TMEM170B: variants seen among roughly 807,000 people sequenced by gnomAD.
TMEM170B encodes transmembrane protein 170B.
Under a neutral mutation model 13.0 loss-of-function variants are expected in TMEM170B, and 6 were observed. The observed-to-expected ratio is 0.46, with a 90% CI of 0.25 to 0.91. The LOEUF (loss-of-function observed/expected upper bound fraction) is 0.91, where lower values mean the gene tolerates loss of function less well. Among genes scored for constraint, TMEM170B ranks in the 40% least tolerant of loss-of-function variants. The pLI, the probability that TMEM170B is intolerant of heterozygous loss-of-function variation, is 0.17. For synonymous variants in TMEM170B, 61 were observed against 64.9 expected, an observed-to-expected ratio of 0.94 and a Z score of 0.29; for missense variants, 138 against 165.2, an observed-to-expected ratio of 0.84 and a Z score of 0.90.
chr6:11,546,748 T>C (rs1311956602), intron 1 of TMEM170B, among the ~76,000 whole-genome samples: 3 of 152,208 alleles, frequency 2.0e-5, no homozygotes, highest in Non-Finnish European at 4.4e-5. Flanking sequence ...CCATATAGCC[T>C]AAATGGAATA....
chr6:11,568,013 C>T (rs552740680), intron 2 of TMEM170B, among the ~76,000 whole-genome samples: 1 of 152,150 alleles, frequency 6.6e-6, no homozygotes, highest in Non-Finnish European at 1.5e-5. Context: ...GGTCTGTCTT[C>T]ATCACTGCTC....
intron 1 of TMEM170B, among the ~76,000 whole-genome samples, chr6:11,549,596 G>A (rs1004958707): frequency 6.6e-6 from 1 of 151,942 alleles, no homozygotes; most frequent in African/African-American, 2.4e-5. Flanking sequence ...CCTGGAGGCG[G>A]AGCTTGCAGC....
rs2113785282 is a variant in TMEM170B, at chr6:11,575,297, TAGAA to T, written c.269-131_269-128del. On this transcript the variant is annotated intron_variant, in intron 2 of 2. Transcript: ENST00000379426. This position sits in a 1 kb window ranked among gnomAD's most constrained non-coding sequence, Gnocchi z 4.1. ...CACCAATCACAGGGAAACTTTTTCA[TAGAA>T]AGTGGATAAAATGAGAAAAAAATGA... The T allele has an allele frequency of 8.0e-7, 1 of 1,251,194 alleles. No homozygotes were observed. The highest frequency in any genetic ancestry group is 1.5e-5 in the African/African-American group (1 of 66,538). 77.5% of individuals were successfully genotyped at this position (1,251,194 alleles called of 1,614,324 possible).
chr6:11,542,234 G>C (rs1277446940), intron 1 of TMEM170B, among the ~76,000 whole-genome samples: 2 of 152,160 alleles, frequency 1.3e-5, no homozygotes, highest in African/African-American at 2.4e-5. Context: ...AGGGTTTTTA[G>C]AGAAAGTTAG....
At chr6:11,563,532 G>T (rs993601172) in intron 1 of TMEM170B, among the ~76,000 whole-genome samples, 11 of 152,192 alleles carry the variant, frequency 7.2e-5, no homozygotes, top group African/African-American at 2.4e-4. Flanking sequence ...CCAGTAGAAA[G>T]TCTGCGCTTC....
chr6:11,544,568 C>T (rs16868544), intron 1 of TMEM170B, among the ~76,000 whole-genome samples: 8,804 of 152,268 alleles, frequency 0.058, 276 homozygotes, highest in East Asian at 0.16. Flanking sequence ...GATCCATATT[C>T]ATTATCTAGC....
intron 1 of TMEM170B, among the ~76,000 whole-genome samples, chr6:11,548,183 A>G (rs549197442): frequency 4.0e-4 from 61 of 152,328 alleles, no homozygotes; most frequent in Admixed American, 1.0e-3. Flanking sequence ...CAATCTACCC[A>G]TCTGACAAAG....
chr6:11,568,000 C>A, intron 2 of TMEM170B, among the ~76,000 whole-genome samples: 1 of 152,072 alleles, frequency 6.6e-6, no homozygotes, highest in East Asian at 1.9e-4. Context: ...AGAGCAGAGA[C>A]CTGGTCTGTC....
chr6:11,559,907 G>T (rs980936544), intron 1 of TMEM170B, among the ~76,000 whole-genome samples: 1 of 151,956 alleles, frequency 6.6e-6, no homozygotes, highest in Non-Finnish European at 1.5e-5. Flanking sequence ...TAAGTTTTCA[G>T]TATTGACTTG....
chr6:11,553,357 A>G (rs1291517354), intron 1 of TMEM170B, among the ~76,000 whole-genome samples: 1 of 152,248 alleles, frequency 6.6e-6, no homozygotes, highest in Admixed American at 6.5e-5. Context: ...TGAAGTATAT[A>G]GGAGAATCAA....
chr6:11,540,026 C>T (rs547572527), intron 1 of TMEM170B, among the ~76,000 whole-genome samples: 1 of 152,250 alleles, frequency 6.6e-6, no homozygotes, highest in South Asian at 2.1e-4. Context: ...AAAGTACAGA[C>T]GTTAATTTAA....
In TMEM170B at chr6:11,538,071, G is replaced by A. The variant is rs1166284662; in HGVS notation, c.-207G>A. Among the ~76,000 whole-genome samples the A allele has an allele frequency of 3.3e-5, 5 of 151,256 alleles. No homozygotes were observed. The highest frequency in any genetic ancestry group is 7.4e-5 in the Non-Finnish European group (5 of 67,660). On this transcript the variant is annotated 5_prime_UTR_variant, in exon 1 of 3. Transcript: ENST00000379426. ...CCGTCCTCAATGTCTCCCCGGCGGG[G>A]AGGGGGCTGCCTGGGAGACACGCTG...
chr6:11,564,300 G>A (rs1452515976), intron 1 of TMEM170B, among the ~76,000 whole-genome samples: 2 of 152,170 alleles, frequency 1.3e-5, no homozygotes, highest in East Asian at 3.8e-4. Context: ...AACTTCTTGA[G>A]GAGCCTCCAT....
chr6:11,559,479 C>G (rs558546459), intron 1 of TMEM170B, among the ~76,000 whole-genome samples: 7 of 152,210 alleles, frequency 4.6e-5, no homozygotes, highest in Admixed American at 1.3e-4. Context: ...AGCTACTGTG[C>G]CCAGCTTCTT....
chr6:11,538,417 C>G (rs1256865991), intron 1 of TMEM170B, 43 bp downstream of exon 1: 1 of 1,388,892 alleles, frequency 7.2e-7, no homozygotes, highest in East Asian at 2.9e-5. Flanking sequence ...GCGGTCCGCC[C>G]CTCTCCTGTC....
Position 11,581,553 on chromosome 6 carries a change from G to A in TMEM170B, c.*5992G>A, listed in dbSNP as rs1759956700. 1 of 152,192 alleles carries A rather than the reference G, an allele frequency of 6.6e-6. No individual in the cohort carries two copies. Among genetic ancestry groups the A allele is most frequent in the Non-Finnish European group, 1.5e-5 (1 of 68,036 alleles). The allele number at this position is 152,192 out of a possible 1,614,324, so 9.4% of individuals were successfully genotyped here. A position where few individuals can be genotyped will look rare whatever the true frequency, so the allele number is the denominator to read the frequency against. On this transcript the variant is annotated 3_prime_UTR_variant, in exon 3 of 3. Coordinates refer to ENST00000379426, the MANE Select transcript of TMEM170B (RefSeq NM_001100829.3). ...GGTGGATAACTGAAACGGAAAAGCA[G>A]TTTGACACAAATACACAGAAAGAGG...
At chr6:11,542,749 T>G (rs532036533) in intron 1 of TMEM170B, among the ~76,000 whole-genome samples, 1 of 152,326 alleles carries the variant, frequency 6.6e-6, no homozygotes, top group African/African-American at 2.4e-5. Context: ...TCTTAATCAT[T>G]AGTTAACAGA....
At chr6:11,573,598 T>C (rs1759833623) in intron 2 of TMEM170B, among the ~76,000 whole-genome samples, 1 of 152,198 alleles carries the variant, frequency 6.6e-6, no homozygotes, top group South Asian at 2.1e-4. Context: ...AGCCTGGCTC[T>C]ACAACCCATG....
At chr6:11,541,875 G>A (rs759791283) in intron 1 of TMEM170B, among the ~76,000 whole-genome samples, 5 of 152,164 alleles carry the variant, frequency 3.3e-5, no homozygotes, top group African/African-American at 4.8e-5. Context: ...AGGGAAACCC[G>A]AGGAGAGGGA....
Sources: gnomAD v4.1 joint callset for allele counts (sites outside exome capture counted in the v4.1 genomes callset) on GRCh38, gnomAD v4.1.1 for gene constraint, Gnocchi (gnomAD v3.1) non-coding constraint, MANE v1.5 for transcripts, NCBI Gene and HGNC (gene_info 2026-07-23, HGNC 2026-07-21) for gene names.